Variants in HIF1A observed in about 807,000 individuals in gnomAD.
HIF1A encodes the protein hypoxia inducible factor 1 subunit alpha, also known as hypoxia-inducible factor 1-alpha.
A neutral mutation model predicts 92.7 loss-of-function variants in HIF1A; 24 were observed. The observed-to-expected ratio is 0.26, with a 90% CI of 0.19 to 0.36. HIF1A has a LOEUF of 0.36. Ranked by LOEUF, HIF1A falls within the 10% of genes least tolerant of loss-of-function variation. The pLI, the probability that HIF1A is intolerant of heterozygous loss-of-function variation, is 1.00. For synonymous variants in HIF1A, 319 were observed against 338.7 expected, an observed-to-expected ratio of 0.94 and a Z score of 0.64; for missense variants, 799 against 998.5, an observed-to-expected ratio of 0.80 and a Z score of 2.69.
At chr14:61,701,335 T>C (rs1241183301) in intron 1 of HIF1A, among the ~76,000 whole-genome samples, 1 of 152,230 alleles carries the variant, frequency 6.6e-6, no homozygotes, top group African/African-American at 2.4e-5. Flanking sequence ...GAACATAGTT[T>C]ACTGTATGTA....
chr14:61,701,443 C>T (rs895450186), intron 1 of HIF1A, among the ~76,000 whole-genome samples: 5 of 151,866 alleles, frequency 3.3e-5, no homozygotes, highest in African/African-American at 1.2e-4. Context: ...AAGGACAGGT[C>T]CCCCGTGTTT....
At position 61,731,618 on chromosome 14, in the gene HIF1A, A is replaced by C. The variant is rs569985507; in HGVS notation, c.774-800A>C. Among the ~76,000 whole-genome samples, 108 of 152,348 alleles carry C rather than the reference A, an allele frequency of 7.1e-4. 1 individual carries two copies. Among genetic ancestry groups the C allele is most frequent in the Admixed American group, 1.6e-3 (24 of 15,304 alleles). On this transcript the variant is annotated intron_variant, in intron 6 of 14. Coordinates refer to ENST00000337138, the MANE Select transcript of HIF1A (RefSeq NM_001530.4). ...TTGGTTGATGATATTAGAATTGTGTAATGGCTATTGATCTCTCAAAGTGAG... is the reference window on the plus strand; with the variant it reads ...TTGGTTGATGATATTAGAATTGTGTCATGGCTATTGATCTCTCAAAGTGAG...
chr14:61,727,568 A>G lies in HIF1A; in HGVS notation c.686A>G (p.His229Arg). ...GTGCTGATTTGTGAACCCATTCCTC[A>G]CCCATCAAATATTGAAATTCCTTTA... ...CLVLICEPIP[H>R]PSNIEIPLDS... Residue 229 changes from histidine to arginine, a missense_variant, in exon 6 of 15, where the codon CAC (histidine) becomes CGC (arginine). By Grantham distance (29) the His-to-Arg change is conservative (BLOSUM62 0). This residue lies in a region of HIF1A where 516 missense variants were observed against 721.0 expected (regional missense o/e 0.72). Coordinates refer to ENST00000337138, the MANE Select transcript of HIF1A (RefSeq NM_001530.4). 1 of 1,613,756 alleles carries G rather than the reference A, an allele frequency of 6.2e-7. No homozygotes were observed. Among genetic ancestry groups the G allele is most frequent in the Non-Finnish European group, 8.5e-7 (1 of 1,179,692 alleles).
intron 4 of HIF1A, among the ~76,000 whole-genome samples, chr14:61,722,560 A>G (rs1223874254): frequency 6.6e-6 from 1 of 152,178 alleles, no homozygotes; most frequent in Non-Finnish European, 1.5e-5. Context: ...ATACACCATT[A>G]AGGCAAGGAG....
At chr14:61,722,469 A>C (rs1436300836) in intron 4 of HIF1A, among the ~76,000 whole-genome samples, 1 of 152,154 alleles carries the variant, frequency 6.6e-6, no homozygotes, top group Non-Finnish European at 1.5e-5. Context: ...TCCTGGACTC[A>C]AGTGATCCTC....
Position 61,738,203 on chromosome 14 carries a change from G to A in HIF1A, c.1366G>A (p.Ala456Thr), listed in dbSNP as rs755284944. Residue 456 changes from alanine to threonine, a missense_variant, in exon 10 of 15, where the codon GCT becomes ACT. By Grantham distance (58) the Ala-to-Thr change is moderately conservative. Coordinates refer to ENST00000337138, the MANE Select transcript of HIF1A (RefSeq NM_001530.4). ...TTTGGCAATGTCTCCATTACCCACCGCTGAAACGCCAAAGCCACTTCGAAG... is the reference window on the plus strand; with the variant it reads ...TTTGGCAATGTCTCCATTACCCACCACTGAAACGCCAAAGCCACTTCGAAG... ...INLAMSPLPT[A>T]ETPKPLRSSA... The A allele has an allele frequency of 2.0e-5, 33 of 1,613,894 alleles. No individual in the cohort carries two copies. Among genetic ancestry groups the A allele is most frequent in the African/African-American group, 4.0e-5 (3 of 74,850 alleles).
chr14:61,717,856 A>T (rs754281003), intron 1 of HIF1A, among the ~76,000 whole-genome samples: 24,634 of 151,868 alleles, frequency 0.16, 3,529 homozygotes, highest in African/African-American at 0.39. Flanking sequence ...ACCTGTCTGT[A>T]CTAAAAATAC....
At position 61,736,902 on chromosome 14, in the gene HIF1A, C is replaced by T. The variant is rs2044644459; in HGVS notation, c.1042C>T (p.His348Tyr). ...VNYVVSGIIQ[H>Y]DLIFSLQQTE... ...TTGTTTTGACAGTGGTATTATTCAG[C>T]ACGACTTGATTTTCTCCCTTCAACA... The change falls in exon 9 of 15, where the codon CAC becomes TAC. Residue 348 changes from histidine (H) to tyrosine (Y), a missense_variant. Physicochemically the swap from His to Tyr is moderately conservative, Grantham distance 83. Transcript: ENST00000337138. The T allele has an allele frequency of 1.2e-6, 2 of 1,612,012 alleles. No homozygotes were observed. The highest frequency in any genetic ancestry group is 1.7e-6 in the Non-Finnish European group (2 of 1,178,162).
chr14:61,740,386 A>G, intron 10 of HIF1A, 119 bp from the exon 11 acceptor site: 1 of 744,252 alleles, frequency 1.3e-6, no homozygotes, highest in South Asian at 2.1e-5. Context: ...AATTTGATAA[A>G]CACGATGGAC....
In HIF1A at chr14:61,720,504, A is replaced by G. The variant is rs2044414278; in HGVS notation, c.158A>G (p.His53Arg). ...CCACTTCCACATAATGTGAGTTCGCATCTTGATAAGGCCTCTGTGATGAGG... is the reference window on the plus strand; with the variant it reads ...CCACTTCCACATAATGTGAGTTCGCGTCTTGATAAGGCCTCTGTGATGAGG... ...QLPLPHNVSS[H>R]LDKASVMRLT... Residue 53 changes from histidine to arginine, a missense_variant, in exon 2 of 15, where the codon CAT becomes CGT. Physicochemically the swap from His to Arg is conservative, Grantham distance 29. Transcript: ENST00000337138. 1 of 1,613,746 alleles carries G rather than the reference A, an allele frequency of 6.2e-7. No individual in the cohort carries two copies. The highest frequency in any genetic ancestry group is 8.5e-7 in the Non-Finnish European group (1 of 1,179,822).
At chr14:61,726,513 C>T in intron 4 of HIF1A, 193 bp from the exon 5 acceptor site, 1 of 394,128 alleles carries the variant, frequency 2.5e-6, no homozygotes, top group Non-Finnish European at 4.6e-6. Flanking sequence ...CAGGGAATCA[C>T]AGCTACTGAG....
intron 1 of HIF1A, among the ~76,000 whole-genome samples, chr14:61,716,480 AGTTATG>A (rs2044365580): frequency 6.6e-6 from 1 of 152,240 alleles, no homozygotes. Context: ...CATTTTAAAT[AGTTATG>A]GTTTAACTTC....
At chr14:61,714,531 A>G (rs2044341952) in intron 1 of HIF1A, among the ~76,000 whole-genome samples, 1 of 152,210 alleles carries the variant, frequency 6.6e-6, no homozygotes, top group African/African-American at 2.4e-5. Context: ...TTATGCCACC[A>G]TTATACAAAA....
chr14:61,734,035 T>C, intron 7 of HIF1A, 103 bp from the exon 8 acceptor site: 3 of 770,062 alleles, frequency 3.9e-6, no homozygotes, highest in Non-Finnish European at 5.8e-6. Flanking sequence ...AAATAAACAT[T>C]TGTTTTCCAA....
At chr14:61,699,479 G>A (rs1156946294) in intron 1 of HIF1A, among the ~76,000 whole-genome samples, 1 of 148,282 alleles carries the variant, frequency 6.7e-6, no homozygotes. Context: ...TTTTTCTGAA[G>A]AACTCAGTTT....
intron 1 of HIF1A, chr14:61,697,693 A>G (rs1250895814): frequency 2.4e-6 from 3 of 1,244,230 alleles, no homozygotes; most frequent in African/African-American, 1.6e-5. Context: ...ATATAACTGA[A>G]AAATTAAGTT....
rs759531840 is a variant in HIF1A, at chr14:61,738,073, T to C, written c.1250-14T>C. Reference sequence around the variant, plus strand: ...CTTCTATACTTTAGATTGACTCATATTTTTTCCCCACAGACACAGAAACTG... The same window carrying C: ...CTTCTATACTTTAGATTGACTCATACTTTTTCCCCACAGACACAGAAACTG... On this transcript the variant is annotated splice_polypyrimidine_tract_variant and intron_variant, in intron 9 of 14. Coordinates refer to ENST00000337138, the MANE Select transcript of HIF1A (RefSeq NM_001530.4). 1.4e-5 allele frequency: 22 copies of C among 1,567,204 alleles called. No individual in the cohort carries two copies. Among genetic ancestry groups the C allele is most frequent in the South Asian group, 2.4e-5 (2 of 83,200 alleles).
intron 6 of HIF1A, 143 bp downstream of exon 6, chr14:61,727,798 G>T (rs756202675): frequency 6.2e-6 from 4 of 643,006 alleles, no homozygotes; most frequent in Admixed American, 2.4e-5. Context: ...TGAGGCAAGC[G>T]GGGGGTGGAT....
chr14:61,730,737 T>C (rs959915248), intron 6 of HIF1A, among the ~76,000 whole-genome samples: 1 of 152,184 alleles, frequency 6.6e-6, no homozygotes, highest in Non-Finnish European at 1.5e-5. Flanking sequence ...ACTGGAAGAT[T>C]AGCCACGTAT....
Sources: allele counts gnomAD v4.1 joint callset (sites outside exome capture counted in the v4.1 genomes callset), GRCh38; gene constraint gnomAD v4.1.1; regional missense constraint gnomAD v4.1.1; transcripts MANE v1.5; gene names NCBI Gene and HGNC (gene_info 2026-07-23, HGNC 2026-07-21).